The following NTN1 variants were observed in gnomAD, a reference collection of about 807,000 sequenced individuals.
The protein encoded by NTN1 is netrin 1.
A neutral mutation model predicts 54.2 loss-of-function variants in NTN1; 11 were observed. The observed-to-expected ratio is 0.20, with a 90% confidence interval of 0.13 to 0.34. The LOEUF is 0.34. NTN1 is among the 10% of genes least tolerant of loss of function. The pLI, the probability that NTN1 is intolerant of heterozygous loss-of-function variation, is 1.00. For synonymous variants in NTN1, 371 were observed against 382.0 expected, an observed-to-expected ratio of 0.97 and a Z score of 0.33; for missense variants, 740 against 893.1, an observed-to-expected ratio of 0.83 and a Z score of 2.18.
intron 3 of NTN1, chr17:9,171,136 T>C (rs2092386199): frequency 6.6e-6 from 1 of 152,224 alleles, no homozygotes; most frequent in Admixed American, 6.5e-5. Context: ...AAGGAAAGCA[T>C]AGCTTCAGAG....
chr17:9,129,854 C>T (rs773795959), intron 2 of NTN1, among the ~76,000 whole-genome samples: 3 of 152,136 alleles, frequency 2.0e-5, no homozygotes, highest in East Asian at 1.9e-4. Flanking sequence ...GGTGTGGGAA[C>T]GTGTGCAACT....
the NTN1 span, among the ~76,000 whole-genome samples, chr17:9,008,859 A>G: frequency 4.6e-5 from 7 of 152,232 alleles, no homozygotes; most frequent in South Asian, 2.1e-4. Context: ...CTAGGGTACA[A>G]TCCAAACCCC....
At chr17:9,104,139 G>A (rs2092158712) in intron 2 of NTN1, among the ~76,000 whole-genome samples, 2 of 147,204 alleles carry the variant, frequency 1.4e-5, no homozygotes, top group Admixed American at 1.4e-4. Context: ...TCCACTTATA[G>A]GACGCACCTA....
chr17:9,075,895 G>A (rs993078460), intron 2 of NTN1, among the ~76,000 whole-genome samples: 7 of 152,224 alleles, frequency 4.6e-5, no homozygotes, highest in African/African-American at 1.4e-4. Context: ...AATCCTCCAT[G>A]GAATCTAATG....
chr17:9,124,659 T>C (rs1295264669), intron 2 of NTN1, among the ~76,000 whole-genome samples: 1 of 152,202 alleles, frequency 6.6e-6, no homozygotes, highest in African/African-American at 2.4e-5. Context: ...ACCGAGCACC[T>C]ACCTACCTCA....
At chr17:9,225,087 C>G (rs755087318) in intron 6 of NTN1, among the ~76,000 whole-genome samples, 10 of 151,974 alleles carry the variant, frequency 6.6e-5, no homozygotes, top group Non-Finnish European at 1.3e-4. Context: ...ATAGTGAAAC[C>G]CCGTCTCTAT....
At chr17:9,086,504 A>G (rs935451567) in intron 2 of NTN1, among the ~76,000 whole-genome samples, 1 of 152,154 alleles carries the variant, frequency 6.6e-6, no homozygotes, top group Non-Finnish European at 1.5e-5. Context: ...TACACCAGCA[A>G]TTACAATACA....
At chr17:9,200,051 C>A (rs1904739243) in intron 5 of NTN1, among the ~76,000 whole-genome samples, 2 of 152,242 alleles carry the variant, frequency 1.3e-5, no homozygotes, top group Non-Finnish European at 2.9e-5. Context: ...ATTGGCTTAA[C>A]CAGCCAAGCT....
Position 9,114,164 on chromosome 17 carries a change from A to ATATAT in NTN1, c.1019-48649_1019-48648insTATAT, listed in dbSNP as rs1404097905. On this transcript the variant is annotated intron_variant, in intron 2 of 6. Transcript: ENST00000173229. ...GTGCCAAAAAAAAAGAAAAAAAAAA[A>ATATAT]AAATATATATATATATATATATGAT... 2.2e-3 allele frequency among the ~76,000 whole-genome samples: 179 copies of ATATAT among 80,392 alleles called. 2 individuals are homozygous for ATATAT. The highest frequency in any genetic ancestry group is 7.8e-3 in the African/African-American group (151 of 19,260). 52.7% of individuals were successfully genotyped at this position (80,392 alleles called of 152,430 possible).
chr17:9,227,585 C>T (rs1163606782), intron 6 of NTN1, among the ~76,000 whole-genome samples: 11 of 134,690 alleles, frequency 8.2e-5, no homozygotes, highest in East Asian at 4.6e-4. Context: ...ACATCACACA[C>T]GCATGCATAC....
rs563383690 is a variant in NTN1, at chr17:9,223,333, C to G, written c.1486+2091C>G. The stretch of plus-strand genomic sequence containing the variant: ...TTGGGAGGCCAAGGTGGGCAGATCA[C>G]CTGAGGGTGAATATTTGAGACCAGC... On this transcript the variant is annotated intron_variant, in intron 6 of 6. Coordinates refer to ENST00000173229, the MANE Select transcript of NTN1 (RefSeq NM_004822.3). 2.0e-4 allele frequency among the ~76,000 whole-genome samples: 31 copies of G among 152,266 alleles called. No individual in the cohort carries two copies. In the East Asian group the frequency reaches 6.0e-3, roughly 29 times the overall value.
At chr17:9,029,424 G>C (rs2091881937) in intron 2 of NTN1, among the ~76,000 whole-genome samples, 1 of 152,188 alleles carries the variant, frequency 6.6e-6, no homozygotes, top group African/African-American at 2.4e-5. Flanking sequence ...AGAGAGCAGG[G>C]GGTATCAGGA....
At chr17:9,023,515 G>A (rs1407744440) in intron 2 of NTN1, 124 bp downstream of exon 2, 2 of 1,190,646 alleles carry the variant, frequency 1.7e-6, no homozygotes, top group African/African-American at 1.6e-5. Context: ...GTTCGCCGAT[G>A]CCCGGGACCC....
chr17:9,124,474 C>T (rs140111005), intron 2 of NTN1, among the ~76,000 whole-genome samples: 26 of 152,344 alleles, frequency 1.7e-4, no homozygotes, highest in African/African-American at 6.0e-4. Flanking sequence ...CCAAGAGATG[C>T]TTGGCCACAC....
chr17:9,148,845 G>A (rs908313915), intron 2 of NTN1, among the ~76,000 whole-genome samples: 11 of 151,908 alleles, frequency 7.2e-5, no homozygotes, highest in Admixed American at 3.9e-4. Flanking sequence ...CTGCAGTCTG[G>A]GCTGGTCTCT....
chr17:9,044,391 T>C (rs12944377), intron 2 of NTN1, among the ~76,000 whole-genome samples: 55,516 of 151,778 alleles, frequency 0.37, 11,908 homozygotes, highest in East Asian at 0.79. Flanking sequence ...TGTGCCACCA[T>C]GCCTGGCTAG....
At chr17:9,071,849 C>A (rs2092032998) in intron 2 of NTN1, among the ~76,000 whole-genome samples, 1 of 152,266 alleles carries the variant, frequency 6.6e-6, no homozygotes, top group Non-Finnish European at 1.5e-5. Flanking sequence ...TAAAGACACT[C>A]TGAGTCCCAG....
chr17:9,033,440 A>G (rs978226033), intron 2 of NTN1, among the ~76,000 whole-genome samples: 3 of 152,156 alleles, frequency 2.0e-5, no homozygotes, highest in African/African-American at 7.2e-5. Context: ...GGCATATGTA[A>G]GTGAGAATCA....
intron 2 of NTN1, among the ~76,000 whole-genome samples, chr17:9,028,470 G>A (rs2151508723): frequency 6.6e-6 from 1 of 152,284 alleles, no homozygotes; most frequent in East Asian, 1.9e-4. Context: ...AACCTTCTGG[G>A]GTGGGTCTGC....
Sources: gnomAD v4.1 joint callset for allele counts (sites outside exome capture counted in the v4.1 genomes callset) on GRCh38, gnomAD v4.1.1 for gene constraint, MANE v1.5 for transcripts, NCBI Gene and HGNC (gene_info 2026-07-23, HGNC 2026-07-21) for gene names.